The following STXBP6 variants were observed in gnomAD, a reference collection of about 807,000 sequenced individuals.
The protein encoded by STXBP6 is syntaxin-binding protein 6.
In STXBP6, 21 loss-of-function variants were observed where a neutral mutation model predicts 26.9. That is an observed-to-expected ratio of 0.78 (90% CI 0.55 to 1.12). The LOEUF is 1.12. STXBP6 is among the 50% of genes most tolerant of loss of function. The probability of loss-of-function intolerance (pLI) is 0.00; values close to 1 mark genes in which losing one functional copy is unlikely to be tolerated. For synonymous variants in STXBP6, 97 were observed against 92.6 expected, an observed-to-expected ratio of 1.05 and a Z score of -0.27; for missense variants, 232 against 257.9, an observed-to-expected ratio of 0.90 and a Z score of 0.69.
At chr14:24,838,493 G>C (rs2068690072) in intron 4 of STXBP6, among the ~76,000 whole-genome samples, 1 of 152,032 alleles carries the variant, frequency 6.6e-6, no homozygotes, top group Non-Finnish European at 1.5e-5. Flanking sequence ...AGACCAGCCT[G>C]GCCAATACGG....
chr14:24,974,256 AT>A (rs1412294378), intron 2 of STXBP6, among the ~76,000 whole-genome samples: 2 of 152,226 alleles, frequency 1.3e-5, no homozygotes, highest in African/African-American at 4.8e-5. Flanking sequence ...GTGATTACTG[AT>A]TATTGGCAAC....
At chr14:24,950,874 C>T (rs1413007657) in intron 2 of STXBP6, among the ~76,000 whole-genome samples, 1 of 152,098 alleles carries the variant, frequency 6.6e-6, no homozygotes, top group Non-Finnish European at 1.5e-5. Context: ...GTATTTCTCC[C>T]AATGCTATCC....
At chr14:24,966,967 G>A (rs1244458248) in intron 2 of STXBP6, among the ~76,000 whole-genome samples, 4 of 152,184 alleles carry the variant, frequency 2.6e-5, no homozygotes, top group African/African-American at 9.7e-5. Flanking sequence ...TATCACTAAA[G>A]CCGTATGAGA....
intron 2 of STXBP6, among the ~76,000 whole-genome samples, chr14:24,918,385 T>A (rs2071845953): frequency 6.6e-6 from 1 of 151,274 alleles, no homozygotes; most frequent in Non-Finnish European, 1.5e-5. Context: ...AAAATCATTG[T>A]TAAAGGAGCT....
chr14:24,870,332 G>A (rs207586), intron 2 of STXBP6, among the ~76,000 whole-genome samples: 1 of 152,068 alleles, frequency 6.6e-6, no homozygotes, highest in Non-Finnish European at 1.5e-5. Flanking sequence ...CAAAAGCAAT[G>A]TTTTGCATTC....
chr14:24,868,312 A>C (rs892028558), intron 2 of STXBP6, among the ~76,000 whole-genome samples: 1 of 152,214 alleles, frequency 6.6e-6, no homozygotes, highest in East Asian at 1.9e-4. Flanking sequence ...TCACTAAAGA[A>C]GATGTGGATG....
intron 2 of STXBP6, among the ~76,000 whole-genome samples, chr14:24,860,009 C>A (rs2069477454): frequency 6.6e-6 from 1 of 152,170 alleles, no homozygotes; most frequent in Non-Finnish European, 1.5e-5. Flanking sequence ...TTCATGTAGA[C>A]TTGCTACTAC....
intron 4 of STXBP6, among the ~76,000 whole-genome samples, chr14:24,845,246 T>A (rs854312): frequency 6.6e-6 from 1 of 152,048 alleles, no homozygotes; most frequent in East Asian, 1.9e-4. Flanking sequence ...TCTCCTGACC[T>A]CGTGATCTGC....
At chr14:25,023,172 A>G (rs766747541) in intron 1 of STXBP6, among the ~76,000 whole-genome samples, 7 of 152,194 alleles carry the variant, frequency 4.6e-5, no homozygotes, top group Non-Finnish European at 7.3e-5. Flanking sequence ...GTCTTTAATT[A>G]TTAACTATGG....
intron 2 of STXBP6, among the ~76,000 whole-genome samples, chr14:24,863,071 A>T (rs1032815072): frequency 1.3e-5 from 2 of 152,126 alleles, no homozygotes; most frequent in Non-Finnish European, 2.9e-5. Context: ...AAATGTAAAA[A>T]TATGTAGATT....
intron 2 of STXBP6, among the ~76,000 whole-genome samples, chr14:24,941,007 T>A (rs572475921): frequency 4.6e-5 from 7 of 152,198 alleles, no homozygotes; most frequent in Admixed American, 1.3e-4. Flanking sequence ...AGAGCAAGAC[T>A]CTATCTTGGA....
At chr14:24,949,785 A>C (rs1277084352) in intron 2 of STXBP6, among the ~76,000 whole-genome samples, 10 of 152,122 alleles carry the variant, frequency 6.6e-5, no homozygotes, top group African/African-American at 2.4e-4. Context: ...CAGGCTGTAA[A>C]TTACTCCTGT....
At chr14:24,974,586 T>C in intron 2 of STXBP6, 79 bp downstream of exon 2, 1 of 1,329,278 alleles carries the variant, frequency 7.5e-7, no homozygotes, top group Non-Finnish European at 1.0e-6. Context: ...CCTGTGAATG[T>C]AAACCTCCTG....
At chr14:24,875,865 T>C (rs918001230) in intron 2 of STXBP6, among the ~76,000 whole-genome samples, 6 of 152,120 alleles carry the variant, frequency 3.9e-5, no homozygotes, top group Non-Finnish European at 8.8e-5. Flanking sequence ...TACAAGGTGA[T>C]TGAAGTGCAG....
chr14:24,833,944 T>C (rs747829516), intron 4 of STXBP6, among the ~76,000 whole-genome samples: 16 of 152,216 alleles, frequency 1.1e-4, no homozygotes, highest in Non-Finnish European at 2.2e-4. Flanking sequence ...AAGGCACGAT[T>C]TTCACACCTC....
intron 2 of STXBP6, among the ~76,000 whole-genome samples, chr14:24,960,669 G>T (rs1355766216): frequency 6.6e-6 from 1 of 152,148 alleles, no homozygotes; most frequent in Admixed American, 6.5e-5. Context: ...TGACAGAAGT[G>T]GAATAGGTCT....
chr14:24,813,736 A>C (rs2067889565), intron 5 of STXBP6, among the ~76,000 whole-genome samples: 1 of 152,212 alleles, frequency 6.6e-6, no homozygotes. Flanking sequence ...GGCCGATCCT[A>C]CTGATTTCAC....
At chr14:24,960,059 C>A (rs117609645) in intron 2 of STXBP6, among the ~76,000 whole-genome samples, 1 of 152,226 alleles carries the variant, frequency 6.6e-6, no homozygotes, top group Non-Finnish European at 1.5e-5. Context: ...GGAGAACCAT[C>A]ATTTGCAGCT....
At chr14:24,842,143 G>T (rs1032084758) in intron 4 of STXBP6, among the ~76,000 whole-genome samples, 1 of 152,160 alleles carries the variant, frequency 6.6e-6, no homozygotes, top group African/African-American at 2.4e-5. Context: ...GTGGCCAGTT[G>T]GATCCAGGTC....
Sources: gnomAD v4.1 joint callset for allele counts (sites outside exome capture counted in the v4.1 genomes callset) on GRCh38, gnomAD v4.1.1 for gene constraint, MANE v1.5 for transcripts, NCBI Gene and HGNC (gene_info 2026-07-23, HGNC 2026-07-21) for gene names.